Variants in ADAMTS12 observed in about 807,000 individuals in gnomAD.
The protein encoded by ADAMTS12 is ADAM metallopeptidase with thrombospondin type 1 motif 12.
ADAMTS12 carries 118 observed loss-of-function variants against 167.8 expected under a neutral mutation model. That is an observed-to-expected ratio of 0.70 (90% CI 0.61 to 0.82). The LOEUF is 0.82. ADAMTS12 is among the 40% of genes least tolerant of loss of function. The pLI, the probability that ADAMTS12 is intolerant of heterozygous loss-of-function variation, is 0.00. For missense variants in ADAMTS12, 1,916 were observed against 1,998.8 expected (o/e 0.96, Z 0.79); for synonymous variants, 704 against 716.9 (o/e 0.98, Z 0.29).
chr5:33,852,255 G>A (rs921804756), intron 2 of ADAMTS12, among the ~76,000 whole-genome samples: 1 of 152,178 alleles, frequency 6.6e-6, no homozygotes, highest in Non-Finnish European at 1.5e-5. Flanking sequence ...GGACCAGAAA[G>A]AGAAAGAATC....
rs182478188 is a variant in ADAMTS12, at chr5:33,568,391, G to A, written c.3973-7212C>T. Among the ~76,000 whole-genome samples the A allele has an allele frequency of 2.4e-3, 372 of 152,270 alleles. 1 individual carries two copies. Among genetic ancestry groups the A allele is most frequent in the Middle Eastern group, 6.8e-3 (2 of 294 alleles). On this transcript the variant is annotated intron_variant, in intron 19 of 23. Transcript: ENST00000504830. ...GGTGGTTTGAATTTACCTATTTATT[G>A]CTTCTAGTCAATTCCATGACCAATG...
In ADAMTS12 at chr5:33,694,978, C is replaced by T. The variant is rs532948450; in HGVS notation, c.635-10923G>A. Among the ~76,000 whole-genome samples the T allele has an allele frequency of 6.6e-5, 10 of 152,260 alleles. No individual in the cohort carries two copies. In the South Asian group the frequency reaches 2.1e-3, roughly 32 times the overall value. The stretch of plus-strand genomic sequence containing the variant: ...TATTGTAGAGCACTGGTTTAGAGGT[C>T]AAGACACTTGGATATCCATCTAGGG... On this transcript the variant is annotated intron_variant, in intron 3 of 23. Transcript: ENST00000504830.
At chr5:33,551,566 C>A (rs1005704482) in intron 20 of ADAMTS12, among the ~76,000 whole-genome samples, 2 of 152,100 alleles carry the variant, frequency 1.3e-5, no homozygotes, top group African/African-American at 4.8e-5. Context: ...AACAAGAGTA[C>A]TTTTTATTAG....
At chr5:33,616,430 T>G (rs1739019147) in intron 14 of ADAMTS12, among the ~76,000 whole-genome samples, 1 of 152,222 alleles carries the variant, frequency 6.6e-6, no homozygotes, top group Admixed American at 6.5e-5. Context: ...GTATCTCTGC[T>G]TCCCCCTTTG....
intron 3 of ADAMTS12, among the ~76,000 whole-genome samples, chr5:33,710,087 G>A (rs1722110925): frequency 1.3e-5 from 2 of 152,178 alleles, no homozygotes; most frequent in South Asian, 4.2e-4. Flanking sequence ...CCCTTCCCAG[G>A]ACTGTTACGG....
rs1330521415 is a variant in ADAMTS12, at chr5:33,576,430, G to T, written c.3596C>A (p.Pro1199Gln). The part of the protein sequence containing the change: ...VESTEMPLAP[P>Q]LTPDLSRESW... ...CTCCCTGCTGAGATCTGGTGTTAGTGGAGGTGCAAGTGGCATTTCTGTACT... is the reference window on the plus strand; with the variant it reads ...CTCCCTGCTGAGATCTGGTGTTAGTTGAGGTGCAAGTGGCATTTCTGTACT... The change falls in exon 19 of 24, where the codon CCA becomes CAA. Residue 1199 changes from proline (P) to glutamine (Q), a missense_variant. Transcript: ENST00000504830. 1 of 1,612,398 alleles carries T rather than the reference G, an allele frequency of 6.2e-7. No individual in the cohort carries two copies. Among genetic ancestry groups the T allele is most frequent in the South Asian group, 1.1e-5 (1 of 90,872 alleles).
At chr5:33,823,017 G>A (rs1180645777) in intron 2 of ADAMTS12, among the ~76,000 whole-genome samples, 2 of 151,350 alleles carry the variant, frequency 1.3e-5, no homozygotes, top group Non-Finnish European at 2.9e-5. Flanking sequence ...TTGGAGCCCG[G>A]CAGCTTGAGG....
At position 33,733,786 on chromosome 5, in the gene ADAMTS12, C is replaced by CG. The variant is rs141409796; in HGVS notation, c.634+17617dup. ...GCCATGGAGACTCATCAGCGAGACA[C>CG]GGGGGCTGCCAGCTCTGATAACAGA... On this transcript the variant is annotated intron_variant, in intron 3 of 23. Transcript: ENST00000504830. Among the ~76,000 whole-genome samples, 292 of 152,228 alleles carry CG rather than the reference C, an allele frequency of 1.9e-3. 1 individual carries two copies. The highest frequency in any genetic ancestry group is 6.8e-3 in the African/African-American group (281 of 41,518).
chr5:33,789,047 T>C (rs1473622392), intron 2 of ADAMTS12, among the ~76,000 whole-genome samples: 1 of 152,182 alleles, frequency 6.6e-6, no homozygotes, highest in African/African-American at 2.4e-5. Context: ...CACATCCACA[T>C]ACTCAGGATC....
chr5:33,654,726 T>C (rs192187053), intron 7 of ADAMTS12, among the ~76,000 whole-genome samples: 47 of 152,316 alleles, frequency 3.1e-4, no homozygotes, highest in Admixed American at 7.8e-4. Flanking sequence ...CACTCAGACT[T>C]TTCTAGCATA....
chr5:33,671,779 C>A (rs1435425318), intron 5 of ADAMTS12, among the ~76,000 whole-genome samples: 2 of 151,396 alleles, frequency 1.3e-5, no homozygotes, highest in Admixed American at 6.6e-5. Context: ...CATACATACA[C>A]ACACAACCAT....
intron 11 of ADAMTS12, among the ~76,000 whole-genome samples, chr5:33,639,773 T>C (rs1177195809): frequency 2.6e-5 from 4 of 152,216 alleles, no homozygotes; most frequent in Admixed American, 1.3e-4. Flanking sequence ...GTTGCAGCTG[T>C]AATTCTTGTT....
rs575378444 is a variant in ADAMTS12 at position 33,766,678 on chromosome 5, C to A, written c.490-15130G>T. On this transcript the variant is annotated intron_variant, in intron 2 of 23. Transcript: ENST00000504830. ...AACAGTCTAAAATTTTAAAAGTGTA[C>A]TTTTAAAAAAAGGTACAAAGAACTC... Among the ~76,000 whole-genome samples, 361 of 151,956 alleles carry A rather than the reference C, an allele frequency of 2.4e-3. 4 individuals carry two copies. The highest frequency in any genetic ancestry group is 8.3e-3 in the African/African-American group (346 of 41,468).
chr5:33,812,479 G>A (rs528200072), intron 2 of ADAMTS12, among the ~76,000 whole-genome samples: 3 of 152,318 alleles, frequency 2.0e-5, no homozygotes, highest in African/African-American at 7.2e-5. Context: ...AGATCAAAAA[G>A]AGAATATTCT....
chr5:33,748,445 A>C (rs531335965), intron 3 of ADAMTS12, among the ~76,000 whole-genome samples: 23 of 152,336 alleles, frequency 1.5e-4, no homozygotes, highest in Middle Eastern at 3.4e-3. Flanking sequence ...AACATAGTTA[A>C]AATTGAGAAA....
chr5:33,784,335 T>G (rs557745187), intron 2 of ADAMTS12, among the ~76,000 whole-genome samples: 1 of 151,950 alleles, frequency 6.6e-6, no homozygotes, highest in Non-Finnish European at 1.5e-5. Context: ...CATTCAACAT[T>G]GTACTGATGG....
At chr5:33,595,827 A>C (rs1747893744) in intron 17 of ADAMTS12, 107 bp downstream of exon 17, 1 of 1,498,366 alleles carries the variant, frequency 6.7e-7, no homozygotes, top group South Asian at 1.3e-5. Context: ...TATTTATCCA[A>C]ATAACAAAAC....
intron 3 of ADAMTS12, among the ~76,000 whole-genome samples, chr5:33,745,454 C>T: frequency 6.6e-6 from 1 of 152,138 alleles, no homozygotes. Context: ...TGATCCTTTG[C>T]TCATATTGTT....
chr5:33,878,632 A>T (rs570276686), intron 2 of ADAMTS12, among the ~76,000 whole-genome samples: 1 of 152,372 alleles, frequency 6.6e-6, no homozygotes, highest in South Asian at 2.1e-4. Context: ...GTTGCTCATT[A>T]GAATCACCTG....
Sources: gnomAD v4.1 joint callset for allele counts (sites outside exome capture counted in the v4.1 genomes callset) on GRCh38, gnomAD v4.1.1 for gene constraint, MANE v1.5 for transcripts, NCBI Gene and HGNC (gene_info 2026-07-23, HGNC 2026-07-21) for gene names.